The following SMIM7 variants were observed in gnomAD, a reference collection of about 807,000 sequenced individuals.
SMIM7 encodes the protein UPF0608 protein C19orf42.
A neutral mutation model predicts 13.3 loss-of-function variants in SMIM7; 12 were observed. The observed-to-expected ratio is 0.90, with a 90% CI of 0.58 to 1.46. The LOEUF is 1.46. Ranked by LOEUF, SMIM7 falls within the 40% of genes most tolerant of loss-of-function variation. The pLI is 0.00. For missense variants in SMIM7, 114 were observed against 94.8 expected, an observed-to-expected ratio of 1.20 and a Z score of -0.84; for synonymous variants, 36 against 35.8, an observed-to-expected ratio of 1.01 and a Z score of -0.02.
chr19:16,654,725 A>G (rs1411541218), intron 3 of SMIM7, among the ~76,000 whole-genome samples: 1 of 152,032 alleles, frequency 6.6e-6, no homozygotes, highest in East Asian at 1.9e-4. Context: ...ATTTTGTGAG[A>G]CACAAAAATT....
chr19:16,656,038 A>C (rs762653721), intron 3 of SMIM7, among the ~76,000 whole-genome samples: 10 of 152,150 alleles, frequency 6.6e-5, no homozygotes, highest in Admixed American at 6.6e-4. Context: ...CCCTTCCCCT[A>C]GCGAAGGATC....
intron 4 of SMIM7, among the ~76,000 whole-genome samples, chr19:16,649,967 G>A (rs1301918985): frequency 6.6e-6 from 1 of 152,036 alleles, no homozygotes; most frequent in Non-Finnish European, 1.5e-5. Context: ...AGGGACTAAG[G>A]GAGGGGAAAT....
intron 4 of SMIM7, among the ~76,000 whole-genome samples, chr19:16,647,930 A>G (rs958176883): frequency 2.6e-5 from 4 of 152,236 alleles, no homozygotes; most frequent in Admixed American, 2.6e-4. Flanking sequence ...GCAAAAGAAT[A>G]AAGTTGGACC....
chr19:16,656,316 A>T (rs1317658833), intron 3 of SMIM7, among the ~76,000 whole-genome samples: 1 of 152,104 alleles, frequency 6.6e-6, no homozygotes, highest in Non-Finnish European at 1.5e-5. Flanking sequence ...TGAACCCAGG[A>T]GGTGGAGGCT....
intron 4 of SMIM7, chr19:16,636,346 T>A (rs1344282808): frequency 1.3e-5 from 2 of 152,156 alleles, no homozygotes; most frequent in Non-Finnish European, 1.5e-5. Context: ...TCTGTACTTT[T>A]GACTTCCAGA....
intron 2 of SMIM7, 104 bp downstream of exon 2, chr19:16,659,846 GGCGGGGCCT>G: frequency 7.1e-7 from 1 of 1,415,046 alleles, no homozygotes; most frequent in Non-Finnish European, 9.6e-7. Flanking sequence ...GGGCGGATAG[GGCGGGGCCT>G]GCGGCTTGGG....
At chr19:16,637,169 A>G (rs530379698) in intron 4 of SMIM7, among the ~76,000 whole-genome samples, 32 of 152,258 alleles carry the variant, frequency 2.1e-4, no homozygotes, top group Non-Finnish European at 3.1e-4. Flanking sequence ...TCACTACTCA[A>G]AAGTGTGGTC....
intron 4 of SMIM7, among the ~76,000 whole-genome samples, chr19:16,651,339 G>T (rs796635562): frequency 1.3e-5 from 2 of 152,150 alleles, no homozygotes; most frequent in Non-Finnish European, 2.9e-5. Flanking sequence ...GAACTTTTGC[G>T]AAGTTCATTC....
At chr19:16,659,553 T>C in intron 2 of SMIM7, 106 bp from the exon 3 acceptor site, 1 of 1,151,510 alleles carries the variant, frequency 8.7e-7, no homozygotes, top group Admixed American at 2.0e-5. Flanking sequence ...GCCCTGGCCC[T>C]GCCGCAAACT....
At position 16,635,905 on chromosome 19, in the gene SMIM7, T is replaced by A. The variant is rs867874327; in HGVS notation, c.*138-4181A>T. 4.0e-3 allele frequency among the ~76,000 whole-genome samples: 506 copies of A among 127,812 alleles called. 1 individual carries two copies. Among genetic ancestry groups the A allele is most frequent in the African/African-American group, 0.01 (313 of 31,106 alleles). 83.8% of individuals were successfully genotyped at this position (127,812 alleles called of 152,430 possible). On this transcript the variant is annotated intron_variant and NMD_transcript_variant, in intron 4 of 4. Coordinates refer to the SMIM7 transcript ENST00000465250. Reference sequence around the variant, plus strand: ...TCTCAAAAAAAAAAAAAAAAATATATATATATATATATATATATGTATGTA... The same window carrying A: ...TCTCAAAAAAAAAAAAAAAAATATAAATATATATATATATATATGTATGTA...
chr19:16,637,592 A>C (rs1032800085), intron 4 of SMIM7, among the ~76,000 whole-genome samples: 1 of 152,236 alleles, frequency 6.6e-6, no homozygotes, highest in Non-Finnish European at 1.5e-5. Flanking sequence ...CAAGGGATTT[A>C]GGAGGATGTT....
downstream of SMIM7, among the ~76,000 whole-genome samples, chr19:16,641,701 C>A (rs1019525382): frequency 6.6e-6 from 1 of 151,758 alleles, no homozygotes; most frequent in South Asian, 2.1e-4. Context: ...TGGGTTCAAG[C>A]AATTCTCCTG....
chr19:16,639,196 A>C (rs1458778835), intron 4 of SMIM7, among the ~76,000 whole-genome samples: 5 of 142,950 alleles, frequency 3.5e-5, no homozygotes, highest in Non-Finnish European at 1.5e-5. Context: ...ATCTCGGCTC[A>C]CTGCAAGCTC....
chr19:16,654,476 C>T (rs2086572016), intron 3 of SMIM7, among the ~76,000 whole-genome samples: 1 of 152,162 alleles, frequency 6.6e-6, no homozygotes. Context: ...GCTCAGTAAG[C>T]TCAGTGCCCA....
At chr19:16,648,876 T>C (rs1004225481) in intron 4 of SMIM7, among the ~76,000 whole-genome samples, 26 of 151,626 alleles carry the variant, frequency 1.7e-4, no homozygotes, top group Non-Finnish European at 2.4e-4. Context: ...ATTAGCCAGG[T>C]GTGGTAGTGC....
chr19:16,632,872 T>C (rs1181867275), intron 4 of SMIM7, among the ~76,000 whole-genome samples: 1 of 152,152 alleles, frequency 6.6e-6, no homozygotes, highest in Non-Finnish European at 1.5e-5. Flanking sequence ...TCTGACCCTG[T>C]GGATATGAGC....
intron 4 of SMIM7, among the ~76,000 whole-genome samples, chr19:16,639,208 G>GC (rs939314054): frequency 6.2e-5 from 9 of 144,820 alleles, no homozygotes; most frequent in East Asian, 4.1e-4. Flanking sequence ...TGCAAGCTCC[G>GC]CCCCCCCAGG....
chr19:16,653,936 G>C, intron 4 of SMIM7, 99 bp downstream of exon 4: 1 of 907,258 alleles, frequency 1.1e-6, no homozygotes, highest in Non-Finnish European at 1.7e-6. Context: ...CAGGATACAA[G>C]AGTGATGACT....
chr19:16,642,578 T>C (rs191440445), downstream of SMIM7, among the ~76,000 whole-genome samples: 58 of 152,146 alleles, frequency 3.8e-4, no homozygotes, highest in Non-Finnish European at 6.5e-4. Flanking sequence ...TTGTGGTTCA[T>C]GCCTGTAATC....
Sources: allele counts gnomAD v4.1 joint callset (sites outside exome capture counted in the v4.1 genomes callset), GRCh38; gene constraint gnomAD v4.1.1; transcripts MANE v1.5; gene names NCBI Gene and HGNC (gene_info 2026-07-23, HGNC 2026-07-21).